Variants in CYP7B1 observed in about 807,000 individuals in gnomAD.
CYP7B1 encodes cytochrome P450 family 7 subfamily B member 1, also known as cytochrome P450 7B1.
In CYP7B1, 29 loss-of-function variants were observed where a neutral mutation model predicts 42.7. The ratio of observed to expected loss-of-function variants is 0.68; its 90% confidence interval spans 0.51 to 0.93. The LOEUF is 0.93. Among genes scored for constraint, CYP7B1 ranks in the 40% least tolerant of loss-of-function variants. CYP7B1 has a pLI of 0.00. For synonymous variants in CYP7B1, 235 were observed against 218.2 expected, an observed-to-expected ratio of 1.08 and a Z score of -0.68; for missense variants, 655 against 600.5, an observed-to-expected ratio of 1.09 and a Z score of -0.95.
chr8:64,692,633 T>C (rs1335161800), intron 1 of CYP7B1, among the ~76,000 whole-genome samples: 2 of 152,196 alleles, frequency 1.3e-5, no homozygotes, highest in South Asian at 2.1e-4. Context: ...CTTTATCACA[T>C]TGAGTACACC....
intron 1 of CYP7B1, among the ~76,000 whole-genome samples, chr8:64,660,100 A>C (rs1347967414): frequency 6.6e-6 from 1 of 152,192 alleles, no homozygotes; most frequent in Non-Finnish European, 1.5e-5. Context: ...ATTTCAATTA[A>C]TCTCCAAATA....
At chr8:64,707,376 T>C (rs1807015404) in intron 1 of CYP7B1, among the ~76,000 whole-genome samples, 1 of 152,136 alleles carries the variant, frequency 6.6e-6, no homozygotes, top group Admixed American at 6.6e-5. Context: ...AGTTCTTTCA[T>C]AGTCATAGTA....
rs140773851 is a variant in CYP7B1, at chr8:64,598,800, A to G, written c.1234-1871T>C. 2.0e-4 allele frequency among the ~76,000 whole-genome samples: 30 copies of G among 152,180 alleles called. No homozygotes were observed. The East Asian group carries it at 5.4e-3, about 27-fold the overall frequency. On this transcript the variant is annotated intron_variant, in intron 5 of 5. Transcript: ENST00000310193. ...TCTAGTTTCCAGGATGTTCTATTCA[A>G]TTTTCTCATAGTAAACATCTTAGAA...
At chr8:64,725,963 C>A (rs1490230243) in intron 1 of CYP7B1, among the ~76,000 whole-genome samples, 1 of 152,074 alleles carries the variant, frequency 6.6e-6, no homozygotes, top group Non-Finnish European at 1.5e-5. Context: ...GGCTGCAGGG[C>A]CAGAGATTTC....
intron 1 of CYP7B1, among the ~76,000 whole-genome samples, chr8:64,626,153 C>A (rs1470941829): frequency 6.6e-6 from 1 of 152,162 alleles, no homozygotes; most frequent in Non-Finnish European, 1.5e-5. Flanking sequence ...TCCTTAAAGT[C>A]ATGAAACTAT....
chr8:64,713,279 G>A (rs1807107696), intron 1 of CYP7B1, among the ~76,000 whole-genome samples: 1 of 151,874 alleles, frequency 6.6e-6, no homozygotes, highest in African/African-American at 2.4e-5. Flanking sequence ...AAAAGAATAT[G>A]ACAAAATCCA....
chr8:64,767,387 G>A (rs192806939), intron 1 of CYP7B1, among the ~76,000 whole-genome samples: 3,064 of 152,250 alleles, frequency 0.02, 108 homozygotes, highest in African/African-American at 0.067. Context: ...GCCGCAAGGC[G>A]GGACCCTCCA....
intron 1 of CYP7B1, among the ~76,000 whole-genome samples, chr8:64,645,118 C>T (rs1420490739): frequency 1.3e-5 from 2 of 151,008 alleles, no homozygotes; most frequent in Non-Finnish European, 1.5e-5. Flanking sequence ...GCATAGTATT[C>T]CATGGTGTAT....
intron 1 of CYP7B1, among the ~76,000 whole-genome samples, chr8:64,718,930 C>A (rs989642513): frequency 6.6e-6 from 1 of 152,224 alleles, no homozygotes; most frequent in East Asian, 1.9e-4. Flanking sequence ...ATCTGTTCTA[C>A]TACAACAATC....
At chr8:64,704,957 A>T (rs1404224618) in intron 1 of CYP7B1, among the ~76,000 whole-genome samples, 2 of 152,024 alleles carry the variant, frequency 1.3e-5, no homozygotes, top group Non-Finnish European at 2.9e-5. Flanking sequence ...ACCTTGCGTT[A>T]GATGTGTTTA....
At chr8:64,677,343 A>G (rs1276167532) in intron 1 of CYP7B1, among the ~76,000 whole-genome samples, 2 of 150,928 alleles carry the variant, frequency 1.3e-5, no homozygotes, top group Non-Finnish European at 3.0e-5. Context: ...AAGTTGTCAT[A>G]GAGGTACTAG....
At chr8:64,724,773 T>TCTGCCCTC (rs1807297431) in intron 1 of CYP7B1, among the ~76,000 whole-genome samples, 2 of 152,144 alleles carry the variant, frequency 1.3e-5, no homozygotes, top group Non-Finnish European at 2.9e-5. Flanking sequence ...CGAAGATCTC[T>TCTGCCCTC]CTGCCCTCCT....
chr8:64,595,087 G>A lies in CYP7B1; in HGVS notation c.*1555C>T, dbSNP rs1805097594. Among the ~76,000 whole-genome samples the A allele has an allele frequency of 6.6e-6, 1 of 152,210 alleles. No individual in the cohort carries two copies. Among genetic ancestry groups the A allele is most frequent in the African/African-American group, 2.4e-5 (1 of 41,452 alleles). The stretch of plus-strand genomic sequence containing the variant: ...CCAATAACAACAATGGATACCTTAA[G>A]AACGGGCAATATCTTCAAAGTGCTG... On this transcript the variant is annotated 3_prime_UTR_variant, in exon 6 of 6. Coordinates refer to ENST00000310193, the MANE Select transcript of CYP7B1 (RefSeq NM_004820.5).
rs772796192 is a variant in CYP7B1 at position 64,616,193 on chromosome 8, A to G, written c.348T>C (p.Asn116=). ...TGCTAAATGCTTTCTCTAATAATTT[A>G]TTAGAAAATACTCGAAAGCTTAATT... is the stretch of plus-strand genomic sequence containing the variant. ...HKQLSFRVFS[N]KLLEKAFSIS... Residue 116 remains asparagine, a synonymous_variant, in exon 3 of 6, where the codon AAT becomes AAC. Coordinates refer to ENST00000310193, the MANE Select transcript of CYP7B1 (RefSeq NM_004820.5). The G allele has an allele frequency of 1.2e-6, 2 of 1,611,884 alleles. No homozygotes were observed. The highest frequency in any genetic ancestry group is 2.2e-5 in the South Asian group (2 of 90,824).
At chr8:64,778,541 G>GTAAC (rs1375714265) in intron 1 of CYP7B1, among the ~76,000 whole-genome samples, 1 of 152,008 alleles carries the variant, frequency 6.6e-6, no homozygotes. Flanking sequence ...AAGTGCAATA[G>GTAAC]TAACTGCAGC....
intron 1 of CYP7B1, among the ~76,000 whole-genome samples, chr8:64,644,812 A>T (rs1017687142): frequency 6.6e-6 from 1 of 151,888 alleles, no homozygotes; most frequent in Non-Finnish European, 1.5e-5. Context: ...CACAATGTGC[A>T]GGTTTGTTAC....
At chr8:64,753,599 G>A (rs1410020044) in intron 1 of CYP7B1, among the ~76,000 whole-genome samples, 2 of 152,176 alleles carry the variant, frequency 1.3e-5, no homozygotes, top group Non-Finnish European at 2.9e-5. Flanking sequence ...CAGGGCAGTG[G>A]TGAAATAGAC....
intron 1 of CYP7B1, among the ~76,000 whole-genome samples, chr8:64,658,284 G>C (rs1806150600): frequency 1.3e-5 from 2 of 151,892 alleles, no homozygotes; most frequent in South Asian, 4.2e-4. Context: ...TCAAAGCATT[G>C]AAATCTCTGT....
chr8:64,712,682 TCTC>T (rs1459264277), intron 1 of CYP7B1, among the ~76,000 whole-genome samples: 4 of 151,428 alleles, frequency 2.6e-5, no homozygotes, highest in South Asian at 2.1e-4. Context: ...TTATATATTT[TCTC>T]CTCATTTTAT....
Sources: gnomAD v4.1 joint callset for allele counts (sites outside exome capture counted in the v4.1 genomes callset) on GRCh38, gnomAD v4.1.1 for gene constraint, MANE v1.5 for transcripts, NCBI Gene and HGNC (gene_info 2026-07-23, HGNC 2026-07-21) for gene names.